The following MCF2L variants were observed in gnomAD, a reference collection of about 807,000 sequenced individuals.
MCF2L encodes guanine nucleotide exchange factor DBS.
MCF2L carries 97 observed loss-of-function variants against 153.4 expected under a neutral mutation model. The observed-to-expected ratio is 0.63, with a 90% confidence interval of 0.54 to 0.75. The LOEUF (loss-of-function observed/expected upper bound fraction) is 0.75, where lower values mean the gene tolerates loss of function less well. MCF2L is among the 30% of genes least tolerant of loss of function. The pLI, the probability that MCF2L is intolerant of heterozygous loss-of-function variation, is 0.00. For missense variants in MCF2L, 1,347 were observed against 1,495.2 expected, an observed-to-expected ratio of 0.90 and a Z score of 1.64; for synonymous variants, 659 against 632.2, an observed-to-expected ratio of 1.04 and a Z score of -0.64.
Position 112,983,863 on chromosome 13 carries a change from G to A in MCF2L, c.79+14405G>A, listed in dbSNP as rs1400567066. ...TCCCCGTGCTGCAGCTGTTTTCCTT[G>A]GGTTGAGCACTGAAAAGAGCCCCTT... is the stretch of plus-strand genomic sequence containing the variant. On this transcript the variant is annotated intron_variant, in intron 1 of 29. Transcript: ENST00000535094. The surrounding 1 kb of genome is among the most constrained non-coding windows in gnomAD (Gnocchi z 4.0). Among the ~76,000 whole-genome samples, 2 of 152,186 alleles carry A rather than the reference G, an allele frequency of 1.3e-5. No individual in the cohort carries two copies. Among genetic ancestry groups the A allele is most frequent in the Non-Finnish European group, 2.9e-5 (2 of 68,038 alleles).
chr13:112,968,356 TATGGCCCTGTGATGGCGGCC>T (rs2081932647), upstream of MCF2L: 3 of 1,411,558 alleles, frequency 2.1e-6, no homozygotes, highest in Admixed American at 2.2e-5. Flanking sequence ...GTTTCTTGCA[TATGGCCCTGTGATGGCGGCC>T]ATGGCCCTGC....
rs893762350 is a variant in MCF2L at position 112,932,492 on chromosome 13, A to G, written c.169+30121A>G. ...CTGTGGAAACCTGAATAAACTGTGC[A>G]TAGTTAATAATAATGTACCAATATT... On this transcript the variant is annotated intron_variant, in intron 2 of 29. Transcript: ENST00000375608. This position sits in a 1 kb window ranked among gnomAD's most constrained non-coding sequence, Gnocchi z 4.6. 2.6e-5 allele frequency among the ~76,000 whole-genome samples: 4 copies of G among 152,362 alleles called. No homozygotes were observed. Among genetic ancestry groups the G allele is most frequent in the South Asian group, 2.1e-4 (1 of 4,826 alleles).
chr13:112,965,485 T>C (rs1406554434), upstream of MCF2L: 1 of 152,240 alleles, frequency 6.6e-6, no homozygotes, highest in Non-Finnish European at 1.5e-5. Context: ...ATCCCTGACA[T>C]GCTGGGTGTT....
At chr13:112,968,624 C>G, upstream of MCF2L, 1 of 1,528,208 alleles carries the variant, frequency 6.5e-7, no homozygotes. Flanking sequence ...CTTACCTGGG[C>G]GCGGCGCGGG....
intron 12 of MCF2L, 117 bp from the exon 13 acceptor site, chr13:113,076,935 C>A: frequency 1.8e-6 from 2 of 1,106,678 alleles, no homozygotes; most frequent in Non-Finnish European, 2.6e-6. Context: ...ACAGACCCCG[C>A]ATGGAGAACA....
chr13:113,007,675 T>C, intron 1 of MCF2L, among the ~76,000 whole-genome samples: 1 of 152,206 alleles, frequency 6.6e-6, no homozygotes, highest in East Asian at 1.9e-4. Context: ...GCAAACGCGG[T>C]TCGGCGGCCT....
rs531500291 is a variant in MCF2L at position 113,074,282 on chromosome 13, C to T, written c.997-162C>T. On this transcript the variant is annotated intron_variant, in intron 9 of 29. Transcript: ENST00000535094. The surrounding 1 kb of genome is among the most constrained non-coding windows in gnomAD (Gnocchi z 4.2). ...GGTCCCCGCTTGATTGGTGACCACT[C>T]GGGGCCGACTTTGCACCTGTCTGAC... Among the ~76,000 whole-genome samples, 10 of 152,232 alleles carry T rather than the reference C, an allele frequency of 6.6e-5. No individual in the cohort carries two copies. The East Asian group carries it at 1.7e-3, about 26-fold the overall frequency.
At chr13:112,937,865 TTG>T (rs2081532576) in intron 2 of MCF2L, among the ~76,000 whole-genome samples, 1 of 140,744 alleles carries the variant, frequency 7.1e-6, no homozygotes, top group African/African-American at 2.6e-5. Context: ...TGAACTGTGA[TTG>T]GTTGGTTCAG....
At chr13:112,915,272 G>C (rs775098013) in intron 2 of MCF2L, among the ~76,000 whole-genome samples, 8 of 151,896 alleles carry the variant, frequency 5.3e-5, no homozygotes, top group South Asian at 2.1e-4. Context: ...AGCCGGGTGT[G>C]GTGGCAGGCA....
rs575954584 is a variant in MCF2L, at chr13:112,993,671, G to A, written c.80-21092G>A. Among the ~76,000 whole-genome samples, 25 of 152,234 alleles carry A rather than the reference G, an allele frequency of 1.6e-4. No homozygotes were observed. The highest frequency in any genetic ancestry group is 1.5e-3 in the South Asian group (7 of 4,808). Reference sequence around the variant, plus strand: ...CATCGTCAATGGCCCCACGATGTCAGGCTTGGAATTTGGGGTGGACGGTGG... The same window carrying A: ...CATCGTCAATGGCCCCACGATGTCAAGCTTGGAATTTGGGGTGGACGGTGG... On this transcript the variant is annotated intron_variant, in intron 1 of 29. Transcript: ENST00000535094. This position sits in a 1 kb window ranked among gnomAD's most constrained non-coding sequence, Gnocchi z 4.6.
At chr13:112,985,182 G>A (rs2082584954) in intron 1 of MCF2L, 1 of 345,846 alleles carries the variant, frequency 2.9e-6, no homozygotes, top group African/African-American at 2.1e-5. Context: ...AAACATCAGG[G>A]CGGAGCAGGA....
rs1221512380 is a variant in MCF2L, at chr13:113,098,775, G to A, written c.*1916G>A. 2 of 152,248 alleles carry A rather than the reference G, an allele frequency of 1.3e-5. No homozygotes were observed. Among genetic ancestry groups the A allele is most frequent in the Non-Finnish European group, 2.9e-5 (2 of 68,046 alleles). The allele number at this position is 152,248 out of a possible 1,614,324, so 9.4% of individuals were successfully genotyped here. On this transcript the variant is annotated 3_prime_UTR_variant, in exon 30 of 30. Coordinates refer to ENST00000535094, the MANE Select transcript of MCF2L (RefSeq NM_001112732.3). ...GGTTGTGCGTGTCAGAAACGCAAAG[G>A]CAGCAGAGGAAGCGTAGTGGAACCA...
intron 8 of MCF2L, 138 bp from the exon 9 acceptor site, chr13:113,069,921 C>T (rs553141442): frequency 2.0e-5 from 11 of 556,564 alleles, no homozygotes; most frequent in Non-Finnish European, 3.1e-5. Context: ...GGTTTAGGTG[C>T]AGGGAGTGAG....
At position 113,027,279 on chromosome 13, in the gene MCF2L, A is replaced by C. The variant is rs943540554; in HGVS notation, c.278+2521A>C. On this transcript the variant is annotated intron_variant, in intron 3 of 29. Coordinates refer to ENST00000535094, the MANE Select transcript of MCF2L (RefSeq NM_001112732.3). This position sits in a 1 kb window ranked among gnomAD's most constrained non-coding sequence, Gnocchi z 4.8. ...ACATTGATCCCCTGATAAATATCAC[A>C]TAACCACCAGCTGGCAGCAGCCAGC... Among the ~76,000 whole-genome samples the C allele has an allele frequency of 6.6e-6, 1 of 152,202 alleles. No individual in the cohort carries two copies. Among genetic ancestry groups the C allele is most frequent in the Non-Finnish European group, 1.5e-5 (1 of 68,044 alleles).
intron 1 of MCF2L, among the ~76,000 whole-genome samples, chr13:112,974,944 C>T (rs2082166151): frequency 2.0e-5 from 3 of 152,182 alleles, no homozygotes; most frequent in South Asian, 2.1e-4. Context: ...TCGTTTCCTC[C>T]GCCGCCTACG....
At chr13:113,015,771 C>T (rs1470544385) in intron 2 of MCF2L, among the ~76,000 whole-genome samples, 3 of 152,222 alleles carry the variant, frequency 2.0e-5, no homozygotes, top group African/African-American at 7.2e-5. Context: ...GACTTGGTCC[C>T]TGCTTCCCAT....
intron 4 of MCF2L, among the ~76,000 whole-genome samples, chr13:113,050,386 A>G (rs750141961): frequency 6.6e-6 from 1 of 151,668 alleles, no homozygotes; most frequent in Non-Finnish European, 1.5e-5. Context: ...GCCTAAATCA[A>G]ACTAAATCTA....
rs76916985 is a variant in MCF2L, at chr13:112,937,995, G to A, written c.169+35624G>A. Among the ~76,000 whole-genome samples the A allele has an allele frequency of 4.3e-3, 313 of 72,320 alleles. 34 individuals carry two copies. The highest frequency in any genetic ancestry group is 0.011 in the South Asian group (19 of 1,662). The allele number at this position is 72,320 out of a possible 152,430, so 47.4% of individuals were successfully genotyped here. A position where few individuals can be genotyped will look rare whatever the true frequency, so the allele number is the denominator to read the frequency against. ...TGGTTGGTTCAGGTGAGCGCTAATT[G>A]GTTGGTTCAAGTGAGTGCTGATGGA... is the stretch of plus-strand genomic sequence containing the variant. On this transcript the variant is annotated intron_variant, in intron 2 of 29. Coordinates refer to the MCF2L transcript ENST00000375608.
chr13:113,045,121 GC>G lies in MCF2L; in HGVS notation c.279-145del. 5.5e-6 allele frequency: 5 copies of G among 904,412 alleles called. No individual in the cohort carries two copies. The highest frequency in any genetic ancestry group is 5.2e-6 in the Non-Finnish European group (3 of 572,734). The allele number at this position is 904,412 out of a possible 1,614,324, so 56.0% of individuals were successfully genotyped here. A position where few individuals can be genotyped will look rare whatever the true frequency, so the allele number is the denominator to read the frequency against. ...GGACTGCGGGGATGGGGCTGCCGGG[GC>G]CCCCGTGTGCCATGCCTCTCACCTG... On this transcript the variant is annotated intron_variant, in intron 3 of 29. Coordinates refer to ENST00000535094, the MANE Select transcript of MCF2L (RefSeq NM_001112732.3). The surrounding 1 kb of genome is among the most constrained non-coding windows in gnomAD (Gnocchi z 4.2).
Sources: gnomAD v4.1 joint callset for allele counts (sites outside exome capture counted in the v4.1 genomes callset) on GRCh38, gnomAD v4.1.1 for gene constraint, Gnocchi (gnomAD v3.1) non-coding constraint, MANE v1.5 for transcripts, NCBI Gene and HGNC (gene_info 2026-07-23, HGNC 2026-07-21) for gene names.